Variants in PIR observed in about 807,000 individuals in gnomAD.
PIR encodes pirin.
In PIR, 22 loss-of-function variants were observed where a neutral mutation model predicts 24.2. The observed-to-expected ratio is 0.91, with a 90% CI of 0.65 to 1.30. PIR has a LOEUF of 1.30. PIR is among the 50% of genes most tolerant of loss of function. The pLI is 0.00. For synonymous variants in PIR, 80 were observed against 79.6 expected (o/e 1.00, Z -0.03); for missense variants, 220 against 220.3 (o/e 1.00, Z 0.01).
rs1389794159 is a variant in PIR, at chrX:15,493,309, C to A, written c.-172G>T. The A allele has an allele frequency of 8.9e-6, 1 of 111,919 alleles. No homozygotes were observed. The highest frequency in any genetic ancestry group is 1.9e-5 in the Non-Finnish European group (1 of 53,016). 9.2% of individuals were successfully genotyped at this position (111,919 alleles called of 1,213,427 possible). A position where few individuals can be genotyped will look rare whatever the true frequency, so the allele number is the denominator to read the frequency against. On this transcript the variant is annotated 5_prime_UTR_variant, in exon 1 of 10. Transcript: ENST00000380420. ...CCAGTAGCCTCACCGTGACTCAGCG[C>A]TTCGCGGCCGGCGGCCTAGAGGAGG...
intron 5 of PIR, among the ~76,000 whole-genome samples, chrX:15,433,711 AAGG>A (rs1569201601): frequency 1.8e-4 from 9 of 50,700 alleles, no homozygotes; most frequent in African/African-American, 2.3e-4. Flanking sequence ...AAGGAGAAAG[AAGG>A]AGGAGGAGGA....
At chrX:15,430,100 T>C (rs1229028744) in intron 5 of PIR, among the ~76,000 whole-genome samples, 1 of 112,253 alleles carries the variant, frequency 8.9e-6, no homozygotes, top group Non-Finnish European at 1.9e-5. Flanking sequence ...TATCAATGAA[T>C]CTATTTCCAC....
chrX:15,412,932 C>T (rs1924791376), intron 6 of PIR, among the ~76,000 whole-genome samples: 1 of 112,073 alleles, frequency 8.9e-6, no homozygotes, highest in Non-Finnish European at 1.9e-5. Flanking sequence ...CCAGACTCTT[C>T]ATCTCTTCAA....
intron 6 of PIR, among the ~76,000 whole-genome samples, chrX:15,415,642 C>G (rs191475074): frequency 3.3e-4 from 37 of 111,521 alleles, no homozygotes; most frequent in Non-Finnish European, 5.8e-4. Flanking sequence ...GTTCTTATCA[C>G]AAAAATGATA....
chrX:15,476,599 GA>G (rs1223582584), intron 3 of PIR, among the ~76,000 whole-genome samples: 1 of 110,131 alleles, frequency 9.1e-6, no homozygotes, highest in Non-Finnish European at 1.9e-5. Flanking sequence ...AAAATGATCT[GA>G]CTTCCTTAAT....
At chrX:15,412,729 C>G (rs1924784471) in intron 6 of PIR, among the ~76,000 whole-genome samples, 1 of 111,969 alleles carries the variant, frequency 8.9e-6, no homozygotes, top group Non-Finnish European at 1.9e-5. Context: ...ATATTTAATT[C>G]TATCCATGCA....
At chrX:15,454,609 T>C (rs754098582) in intron 5 of PIR, among the ~76,000 whole-genome samples, 272 of 111,656 alleles carry the variant, frequency 2.4e-3, no homozygotes, top group African/African-American at 8.1e-3. Context: ...CATTGAGTGG[T>C]TGGTTAGTAG....
chrX:15,477,991 G>A (rs1291253168), intron 3 of PIR, among the ~76,000 whole-genome samples: 4 of 102,409 alleles, frequency 3.9e-5, no homozygotes, highest in African/African-American at 1.5e-4. Flanking sequence ...TTAAAGCTGA[G>A]TACCTTATAA....
intron 9 of PIR, among the ~76,000 whole-genome samples, chrX:15,387,159 G>A (rs1002001494): frequency 1.1e-5 from 1 of 90,433 alleles, no homozygotes; most frequent in Admixed American, 1.4e-4. Context: ...TGAGTGGTGC[G>A]ATCTTGGCTC....
In PIR at chrX:15,441,839, G is replaced by T. The variant is rs112116556; in HGVS notation, c.480+14009C>A. 6.0e-3 allele frequency among the ~76,000 whole-genome samples: 673 copies of T among 111,377 alleles called. 7 individuals are homozygous for T. The highest frequency in any genetic ancestry group is 0.02 in the African/African-American group (619 of 30,606). On this transcript the variant is annotated intron_variant, in intron 5 of 9. Coordinates refer to ENST00000380420, the MANE Select transcript of PIR (RefSeq NM_001018109.3). ...TGCCTGTGACTGTAGGTACACCTCT[G>T]CCTGGACGTGGTTAATGAAGCCGGG...
At position 15,491,193 on chromosome X, in the gene PIR, G is replaced by C; in HGVS notation, c.65C>G (p.Ala22Gly). Residue 22 changes from alanine (A) to glycine (G), a missense_variant, in exon 2 of 10, where the codon GCG (alanine) becomes GGG (glycine). Physicochemically the swap from Ala to Gly is moderately conservative, Grantham distance 60. Transcript: ENST00000380420. ...TCTGCCAATGCTTCTCCGGACCCTC[G>C]CTCCAACCCCTTCCGACTGCTCCCG... is the stretch of plus-strand genomic sequence containing the variant. ...LSREQSEGVG[A>G]RVRRSIGRPE... 8.3e-7 allele frequency: 1 copy of C among 1,206,507 alleles called. No individual in the cohort carries two copies. The highest frequency in any genetic ancestry group is 3.0e-5 in the East Asian group (1 of 33,750).
At chrX:15,444,405 A>G (rs181194359) in intron 5 of PIR, among the ~76,000 whole-genome samples, 20 of 112,706 alleles carry the variant, frequency 1.8e-4, no homozygotes, top group African/African-American at 6.4e-4. Flanking sequence ...AAAATAGTGT[A>G]AACATAACTT....
chrX:15,490,966 A>G (rs7064724), intron 2 of PIR, among the ~76,000 whole-genome samples, 196 bp downstream of exon 2: 45,308 of 110,740 alleles, frequency 0.41, 6,633 homozygotes, highest in East Asian at 0.45. Context: ...TCTGCCCAAG[A>G]CCTCTGTATT....
intron 7 of PIR, among the ~76,000 whole-genome samples, chrX:15,403,970 ACTAGTTAAACATC>A (rs1318690686): frequency 9.3e-6 from 1 of 106,954 alleles, no homozygotes; most frequent in Non-Finnish European, 1.9e-5. Context: ...TACTTTGACA[ACTAGTTAAACATC>A]CAGCATTTTC....
At chrX:15,434,085 GA>G (rs1329897708) in intron 5 of PIR, among the ~76,000 whole-genome samples, 6 of 72,335 alleles carry the variant, frequency 8.3e-5, no homozygotes, top group Admixed American at 6.4e-4. Context: ...GGAGGAAGGA[GA>G]AAGGAGGAGG....
At chrX:15,388,505 G>A (rs1438883762) in intron 9 of PIR, among the ~76,000 whole-genome samples, 1 of 112,404 alleles carries the variant, frequency 8.9e-6, no homozygotes, top group Non-Finnish European at 1.9e-5. Context: ...CAACCTCATA[G>A]GGTTGTTTTG....
chrX:15,408,778 T>C (rs1249006690), intron 6 of PIR, among the ~76,000 whole-genome samples: 1 of 110,988 alleles, frequency 9.0e-6, no homozygotes, highest in Non-Finnish European at 1.9e-5. Flanking sequence ...TCTGGAGGAG[T>C]CAGCGTGATG....
chrX:15,468,592 C>T (rs551816403), intron 3 of PIR, among the ~76,000 whole-genome samples: 16 of 112,110 alleles, frequency 1.4e-4, no homozygotes, highest in South Asian at 3.7e-4. Context: ...TTTATGGGTA[C>T]GTTATTATTA....
At chrX:15,406,983 C>T (rs1480401210) in intron 7 of PIR, among the ~76,000 whole-genome samples, 2 of 112,290 alleles carry the variant, frequency 1.8e-5, no homozygotes, top group Non-Finnish European at 3.8e-5. Flanking sequence ...TTAGATTTCA[C>T]GTTCCTCATC....
Sources: allele counts gnomAD v4.1 joint callset (sites outside exome capture counted in the v4.1 genomes callset), GRCh38; gene constraint gnomAD v4.1.1; transcripts MANE v1.5; gene names NCBI Gene and HGNC (gene_info 2026-07-23, HGNC 2026-07-21).